Variants in SNX14 observed in about 807,000 individuals in gnomAD.
SNX14 encodes the protein sorting nexin 14.
A neutral mutation model predicts 133.8 loss-of-function variants in SNX14; 93 were observed. The ratio of observed to expected loss-of-function variants is 0.70; its 90% CI spans 0.59 to 0.83. The LOEUF is 0.83. SNX14 is among the 40% of genes least tolerant of loss of function. The probability of loss-of-function intolerance (pLI) is 0.00; values close to 1 mark genes in which losing one functional copy is unlikely to be tolerated. For missense variants in SNX14, 945 were observed against 1,094.9 expected, an observed-to-expected ratio of 0.86 and a Z score of 1.93; for synonymous variants, 368 against 365.6, an observed-to-expected ratio of 1.01 and a Z score of -0.07.
At chr6:85,587,352 AG>A (rs1193972438) in intron 1 of SNX14, among the ~76,000 whole-genome samples, 1 of 152,258 alleles carries the variant, frequency 6.6e-6, no homozygotes, top group African/African-American at 2.4e-5. Context: ...AGACAGATCA[AG>A]GATACAAATA....
At chr6:85,562,516 AT>A (rs2128153425) in intron 6 of SNX14, among the ~76,000 whole-genome samples, 1 of 148,742 alleles carries the variant, frequency 6.7e-6, no homozygotes, top group Non-Finnish European at 1.5e-5. Context: ...GTAGACATCA[AT>A]TTTTCTTTTC....
In SNX14 at chr6:85,547,268, G is replaced by A; in HGVS notation, c.994-42C>T. The A allele has an allele frequency of 1.9e-6, 3 of 1,609,918 alleles. 1 individual carries two copies. The highest frequency in any genetic ancestry group is 2.5e-6 in the Non-Finnish European group (3 of 1,177,634). On this transcript the variant is annotated intron_variant, in intron 11 of 28. Transcript: ENST00000314673. Reference sequence around the variant, plus strand: ...GATTAAGTTTAAGCTATATAAATGAGTTCTAAAATTGTTTATATCAAAAAG... The same window carrying A: ...GATTAAGTTTAAGCTATATAAATGAATTCTAAAATTGTTTATATCAAAAAG...
At chr6:85,546,251 C>T (rs928952646) in intron 12 of SNX14, among the ~76,000 whole-genome samples, 21 of 152,230 alleles carry the variant, frequency 1.4e-4, no homozygotes, top group African/African-American at 3.6e-4. Flanking sequence ...ATGCAGGTTA[C>T]GTGGATGTAC....
intron 23 of SNX14, 39 bp from the exon 24 acceptor site, chr6:85,514,668 T>C (rs1350424185): frequency 1.9e-6 from 3 of 1,576,854 alleles, no homozygotes; most frequent in East Asian, 4.5e-5. Flanking sequence ...ATATATAGTT[T>C]ATTACATCTG....
At chr6:85,555,324 G>A (rs1416294389) in intron 7 of SNX14, among the ~76,000 whole-genome samples, 1 of 152,130 alleles carries the variant, frequency 6.6e-6, no homozygotes, top group Non-Finnish European at 1.5e-5. Flanking sequence ...GCCAAAAATT[G>A]GACCAAGATG....
At chr6:85,572,738 C>G (rs1796064450) in intron 2 of SNX14, among the ~76,000 whole-genome samples, 1 of 152,154 alleles carries the variant, frequency 6.6e-6, no homozygotes, top group Non-Finnish European at 1.5e-5. Flanking sequence ...GAGTGGATGG[C>G]TTGAGCCCAG....
chr6:85,516,701 G>A (rs545162523), intron 23 of SNX14, among the ~76,000 whole-genome samples: 12 of 145,098 alleles, frequency 8.3e-5, no homozygotes, highest in African/African-American at 1.3e-4. Context: ...GCAGTGGCGC[G>A]ATCTCAGCTC....
intron 26 of SNX14, 24 bp downstream of exon 26, chr6:85,513,776 T>C (rs981220899): frequency 2.5e-5 from 38 of 1,547,292 alleles, no homozygotes; most frequent in Non-Finnish European, 3.1e-5. Context: ...TATATGAAAT[T>C]AAGTTACTTC....
intron 21 of SNX14, among the ~76,000 whole-genome samples, chr6:85,521,122 G>A (rs1476557276): frequency 6.6e-6 from 1 of 152,116 alleles, no homozygotes; most frequent in Non-Finnish European, 1.5e-5. Context: ...AAAAACTTTG[G>A]TGAATGCGGT....
chr6:85,513,959 C>T, intron 25 of SNX14, 64 bp from the exon 26 acceptor site: 1 of 1,556,870 alleles, frequency 6.4e-7, no homozygotes, highest in East Asian at 2.2e-5. Context: ...AGGATTTCCT[C>T]ATAGTAGAAA....
chr6:85,512,933 G>A (rs1190146331), intron 26 of SNX14, among the ~76,000 whole-genome samples: 2 of 152,058 alleles, frequency 1.3e-5, no homozygotes, highest in Non-Finnish European at 2.9e-5. Flanking sequence ...ATGATGGCCA[G>A]GTTCTTATGT....
intron 23 of SNX14, among the ~76,000 whole-genome samples, chr6:85,515,580 A>G (rs1454082213): frequency 6.6e-6 from 1 of 152,150 alleles, no homozygotes; most frequent in Non-Finnish European, 1.5e-5. Context: ...TTACCTGAAG[A>G]TGAATTTTTT....
In SNX14 at chr6:85,521,879, A is replaced by AC. The variant is rs751648750; in HGVS notation, c.2108-3832dup. ...TAGTAGTTTTATAATTTGGGGTCTTACATTTAAGTCTTTAATCCACTATGA... is the reference window on the plus strand; with the variant it reads ...TAGTAGTTTTATAATTTGGGGTCTTACCATTTAAGTCTTTAATCCACTATGA... On this transcript the variant is annotated intron_variant, in intron 21 of 28. Coordinates refer to ENST00000314673, the MANE Select transcript of SNX14 (RefSeq NM_153816.6). Among the ~76,000 whole-genome samples the AC allele has an allele frequency of 3.2e-3, 485 of 152,266 alleles. 2 individuals carry two copies. The highest frequency in any genetic ancestry group is 6.3e-3 in the Admixed American group (96 of 15,286).
rs964039046 is a variant in SNX14, at chr6:85,554,704, G to A, written c.634+3272C>T. Among the ~76,000 whole-genome samples the A allele has an allele frequency of 2.0e-5, 3 of 152,132 alleles. No individual in the cohort carries two copies. The East Asian group carries it at 5.8e-4, about 29-fold the overall frequency. On this transcript the variant is annotated intron_variant, in intron 7 of 28. Coordinates refer to ENST00000314673, the MANE Select transcript of SNX14 (RefSeq NM_153816.6). ...TGAATGCAATCTAGCATTTTAGGGT[G>A]ACTTTATAATTGAGGATGATTTTTT...
chr6:85,588,200 T>A (rs1801582930), intron 1 of SNX14, among the ~76,000 whole-genome samples: 1 of 152,064 alleles, frequency 6.6e-6, no homozygotes. Context: ...GGAGGACTGC[T>A]TGAGCCCATG....
chr6:85,577,792 G>A (rs541522275), intron 1 of SNX14, among the ~76,000 whole-genome samples: 4 of 151,614 alleles, frequency 2.6e-5, no homozygotes, highest in East Asian at 1.9e-4. Flanking sequence ...AAACACAAAC[G>A]AACAAACAAA....
At chr6:85,571,951 G>A (rs1302676562) in intron 4 of SNX14, among the ~76,000 whole-genome samples, 186 bp downstream of exon 4, 1 of 152,138 alleles carries the variant, frequency 6.6e-6, no homozygotes, top group Non-Finnish European at 1.5e-5. Context: ...AATTAAACAT[G>A]AGATTCAAAA....
intron 20 of SNX14, among the ~76,000 whole-genome samples, chr6:85,526,866 C>T (rs201531657): frequency 9.1e-4 from 139 of 152,202 alleles, no homozygotes; most frequent in Admixed American, 7.5e-3. Context: ...GTCAGGAGTT[C>T]GAGACCAGCC....
chr6:85,547,376 C>G lies in SNX14; in HGVS notation c.934G>C (p.Ala312Pro). Residue 312 changes from alanine to proline, a missense_variant, in exon 11 of 29, where the codon GCT becomes CCT. Ala to Pro is a conservative substitution (Grantham distance 27). Around this residue, in one of 3 missense-constraint regions of SNX14, gnomAD observed 514 missense variants for 538.8 expected, o/e 0.95. Coordinates refer to ENST00000314673, the MANE Select transcript of SNX14 (RefSeq NM_153816.6). ...TGCAAGAATGGAACCAAAGGAGAAG[C>G]CGGTTCAGTTGCTTTTTCAGGCTTT... ...DSPPEKATEP[A>P]SPLVPFLQKF... is the part of the protein sequence containing the mutation. 2 of 1,613,532 alleles carry G rather than the reference C, an allele frequency of 1.2e-6. No individual in the cohort carries two copies. The highest frequency in any genetic ancestry group is 1.7e-5 in the Admixed American group (1 of 59,936).
Sources: gnomAD v4.1 joint callset for allele counts (sites outside exome capture counted in the v4.1 genomes callset) on GRCh38, gnomAD v4.1.1 for gene constraint, gnomAD v4.1.1 regional missense constraint, MANE v1.5 for transcripts, NCBI Gene and HGNC (gene_info 2026-07-23, HGNC 2026-07-21) for gene names.